SYNE1: variants seen among roughly 807,000 people sequenced by gnomAD.
SYNE1 encodes spectrin repeat containing nuclear envelope protein 1.
In SYNE1, 616 loss-of-function variants were observed where a neutral mutation model predicts 1,111.0. The ratio of observed to expected loss-of-function variants is 0.55; its 90% confidence interval spans 0.52 to 0.59. The LOEUF (loss-of-function observed/expected upper bound fraction) is 0.59, where lower values mean the gene tolerates loss of function less well. Among genes scored for constraint, SYNE1 ranks in the 20% least tolerant of loss-of-function variants. The probability of loss-of-function intolerance (pLI) is 0.00; values close to 1 mark genes in which losing one functional copy is unlikely to be tolerated. For synonymous variants in SYNE1, 3,855 were observed against 3,825.8 expected, an observed-to-expected ratio of 1.01 and a Z score of -0.28; for missense variants, 10,006 against 10,417.0, an observed-to-expected ratio of 0.96 and a Z score of 1.72.
intron 3 of SYNE1, among the ~76,000 whole-genome samples, chr6:152,587,469 C>G (rs1374342991): frequency 6.6e-6 from 1 of 151,966 alleles, no homozygotes. Context: ...TTTAAAAGAC[C>G]AATATTGGAG....
chr6:152,399,785 G>A lies in SYNE1; in HGVS notation c.7068C>T (p.Ile2356=). 1 of 1,614,148 alleles carries A rather than the reference G, an allele frequency of 6.2e-7. No homozygotes were observed. Among genetic ancestry groups the A allele is most frequent in the African/African-American group, 1.3e-5 (1 of 75,040 alleles). The change falls in exon 48 of 146, where the codon ATC becomes ATT. Residue 2356 remains isoleucine, a synonymous_variant. Transcript: ENST00000367255. ...QKELQSQQSN[I]SSTQENLNSL... is the part of the protein sequence containing the mutation. ...TATTGAGATTTTCTTGGGTAGAGCT[G>A]ATGTTGCTTTGTTGACTTTGAAGTT...
rs928814331 is a variant in SYNE1, at chr6:152,330,777, G to A, written c.13908C>T (p.Val4636=). The change falls in exon 78 of 146, where the codon GTC becomes GTT. Residue 4636 remains valine, a synonymous_variant. Coordinates refer to ENST00000367255, the MANE Select transcript of SYNE1 (RefSeq NM_182961.4). ...GCTTTTCACTGAGGTAGGAATGATCGACTTCATTCAGCGATGGTAATATGG... is the reference window on the plus strand; with the variant it reads ...GCTTTTCACTGAGGTAGGAATGATCAACTTCATTCAGCGATGGTAATATGG... ...GQTILPSLNE[V]DHSYLSEKLN... 13 of 1,613,712 alleles carry A rather than the reference G, an allele frequency of 8.1e-6. No individual in the cohort carries two copies. Among genetic ancestry groups the A allele is most frequent in the African/African-American group, 2.7e-5 (2 of 74,894 alleles).
At chr6:152,335,619 G>C (rs1242091455) in intron 76 of SYNE1, 2 of 151,892 alleles carry the variant, frequency 1.3e-5, no homozygotes, top group Non-Finnish European at 2.9e-5. Context: ...CATAATCACA[G>C]AGAAAAAACA....
At chr6:152,363,510 TAAATAAATAAATA>T (rs941788620) in intron 63 of SYNE1, among the ~76,000 whole-genome samples, 1 of 29,024 alleles carries the variant, frequency 3.4e-5, no homozygotes, top group Non-Finnish European at 8.2e-5. Context: ...AATAAATAAA[TAAATAAATAAATA>T]AATAAATAAA....
chr6:152,395,704 T>A (rs780049375), intron 50 of SYNE1, 33 bp from the exon 51 acceptor site: 1 of 1,611,594 alleles, frequency 6.2e-7, no homozygotes, highest in Admixed American at 1.7e-5. Context: ...GAGAAATTCT[T>A]ACATGCTTGT....
intron 59 of SYNE1, among the ~76,000 whole-genome samples, chr6:152,371,170 C>A (rs540798038): frequency 5.9e-5 from 9 of 152,186 alleles, no homozygotes; most frequent in East Asian, 1.9e-4. Context: ...TGTGTCCCCC[C>A]CCAAATCTCA....
At chr6:152,309,236 A>C (rs867420620) in intron 90 of SYNE1, among the ~76,000 whole-genome samples, 1 of 152,214 alleles carries the variant, frequency 6.6e-6, no homozygotes, top group Admixed American at 6.5e-5. Flanking sequence ...ACAAGATAAC[A>C]GGGAGGAAAG....
At chr6:152,375,634 C>T (rs553637017) in intron 58 of SYNE1, among the ~76,000 whole-genome samples, 2 of 152,166 alleles carry the variant, frequency 1.3e-5, no homozygotes, top group Admixed American at 6.5e-5. Flanking sequence ...AAAATATAAC[C>T]GCAGCTCTGG....
At chr6:152,526,750 C>G (rs1407398852) in intron 4 of SYNE1, among the ~76,000 whole-genome samples, 1 of 152,142 alleles carries the variant, frequency 6.6e-6, no homozygotes, top group Non-Finnish European at 1.5e-5. Flanking sequence ...TGTTCTACAG[C>G]CTGGTGAATC....
Position 152,350,528 on chromosome 6 carries a change from A to T in SYNE1, c.11733+90T>A, listed in dbSNP as rs1423910912. On this transcript the variant is annotated intron_variant, in intron 71 of 145. Transcript: ENST00000367255. ...ATAAAAAAAAATACTAACCCGTACC[A>T]GGCCTTAAAATTACATGACAGAGAG... is the stretch of plus-strand genomic sequence containing the variant. 5 of 1,564,030 alleles carry T rather than the reference A, an allele frequency of 3.2e-6. No homozygotes were observed. In the African/African-American group the frequency reaches 5.4e-5, roughly 17 times the overall value.
At chr6:152,218,757 G>A (rs1429548776) in intron 120 of SYNE1, among the ~76,000 whole-genome samples, 3 of 152,138 alleles carry the variant, frequency 2.0e-5, no homozygotes, top group Admixed American at 6.5e-5. Context: ...TAATTGAACA[G>A]GCCATGGTGG....
intron 65 of SYNE1, among the ~76,000 whole-genome samples, chr6:152,358,880 G>A (rs553837905): frequency 6.6e-5 from 10 of 152,286 alleles, no homozygotes; most frequent in African/African-American, 2.4e-4. Flanking sequence ...CTTAAATGAA[G>A]ATTTGGACGT....
chr6:152,359,379 T>C lies in SYNE1; in HGVS notation c.10379A>G (p.Tyr3460Cys), dbSNP rs750619051. 4 of 1,614,190 alleles carry C rather than the reference T, an allele frequency of 2.5e-6. No individual in the cohort carries two copies. Among genetic ancestry groups the C allele is most frequent in the East Asian group, 2.2e-5 (1 of 44,870 alleles). Residue 3460 changes from tyrosine to cysteine, a missense_variant, in exon 65 of 146, where the codon TAT (tyrosine) becomes TGT (cysteine). Tyr to Cys is a radical substitution (Grantham distance 194). This residue lies in a region of SYNE1 where 4,955 missense variants were observed against 5,017.2 expected (regional missense o/e 0.99). Coordinates refer to ENST00000367255, the MANE Select transcript of SYNE1 (RefSeq NM_182961.4). Reference sequence around the variant, plus strand: ...ATCCTGGAGTTCTAGCTGGGTGACATAGTGTTCTGTCATGCCAGCCCCTTT... The same window carrying C: ...ATCCTGGAGTTCTAGCTGGGTGACACAGTGTTCTGTCATGCCAGCCCCTTT... ...EVKGAGMTEH[Y>C]VTQLELQDLQ...
At chr6:152,398,581 AT>A in intron 49 of SYNE1, 37 bp downstream of exon 49, 1 of 1,572,404 alleles carries the variant, frequency 6.4e-7, no homozygotes, top group Non-Finnish European at 8.8e-7. Flanking sequence ...ACCTGAGTAC[AT>A]TTTGGGGAAG....
intron 95 of SYNE1, among the ~76,000 whole-genome samples, chr6:152,290,348 G>C (rs905171393): frequency 1.3e-5 from 2 of 152,192 alleles, no homozygotes; most frequent in African/African-American, 4.8e-5. Context: ...CCTGAGGTCA[G>C]GAGTTCGAGA....
chr6:152,183,181 C>A (rs2635439), intron 128 of SYNE1, among the ~76,000 whole-genome samples: 6,935 of 152,266 alleles, frequency 0.046, 316 homozygotes, highest in African/African-American at 0.11. Flanking sequence ...AGATTGAGAA[C>A]TCTCTGGTGA....
At chr6:152,582,394 C>T (rs1564982952) in intron 3 of SYNE1, among the ~76,000 whole-genome samples, 1 of 152,020 alleles carries the variant, frequency 6.6e-6, no homozygotes, top group Non-Finnish European at 1.5e-5. Flanking sequence ...CCACTCACCC[C>T]CTAAAAGTAT....
At chr6:152,571,295 T>G (rs1386268895) in intron 3 of SYNE1, among the ~76,000 whole-genome samples, 1 of 152,176 alleles carries the variant, frequency 6.6e-6, no homozygotes, top group Non-Finnish European at 1.5e-5. Context: ...ATAACAGCCT[T>G]GGCAATGATC....
intron 14 of SYNE1, among the ~76,000 whole-genome samples, chr6:152,476,962 T>C (rs1391291854): frequency 2.6e-5 from 4 of 151,442 alleles, no homozygotes; most frequent in Admixed American, 2.0e-4. Context: ...CAAAGTGTGA[T>C]TAAGGAAAGT....
Sources: allele counts gnomAD v4.1 joint callset (sites outside exome capture counted in the v4.1 genomes callset), GRCh38; gene constraint gnomAD v4.1.1; regional missense constraint gnomAD v4.1.1; transcripts MANE v1.5; gene names NCBI Gene and HGNC (gene_info 2026-07-23, HGNC 2026-07-21).